CAMSAP1: variants seen among roughly 807,000 people sequenced by gnomAD.
The protein encoded by CAMSAP1 is calmodulin regulated spectrin associated protein 1.
CAMSAP1 carries 58 observed loss-of-function variants against 143.5 expected under a neutral mutation model. The observed-to-expected ratio is 0.40, with a 90% CI of 0.33 to 0.50. CAMSAP1 has a LOEUF of 0.50. Ranked by LOEUF, CAMSAP1 falls within the 20% of genes least tolerant of loss-of-function variation. The pLI is 0.45. For synonymous variants in CAMSAP1, 945 were observed against 859.3 expected (o/e 1.10, Z -1.74); for missense variants, 1,969 against 2,115.7 (o/e 0.93, Z 1.36).
chr9:135,833,150 C>T (rs1458903935), intron 7 of CAMSAP1, among the ~76,000 whole-genome samples: 2 of 148,480 alleles, frequency 1.3e-5, no homozygotes, highest in South Asian at 2.1e-4. Flanking sequence ...GGCGCGATCT[C>T]GGCTCACTGC....
At position 135,811,308 on chromosome 9, in the gene CAMSAP1, G is replaced by T. The variant is rs1175857293; in HGVS notation, c.*1C>A. 1 of 1,611,282 alleles carries T rather than the reference G, an allele frequency of 6.2e-7. No homozygotes were observed. The highest frequency in any genetic ancestry group is 8.5e-7 in the Non-Finnish European group (1 of 1,178,302). ...CCCTTTGGACGCCAGCTGCACCGGG[G>T]TCATTTACGAGTCTGGGCCTTCTTT... On this transcript the variant is annotated 3_prime_UTR_variant, in exon 17 of 17. Transcript: ENST00000389532. The surrounding 1 kb of genome is among the most constrained non-coding windows in gnomAD (Gnocchi z 4.9).
intron 1 of CAMSAP1, among the ~76,000 whole-genome samples, chr9:135,889,775 T>C (rs1488253336): frequency 6.6e-6 from 1 of 151,996 alleles, no homozygotes; most frequent in Non-Finnish European, 1.5e-5. Context: ...ATGGTTAGAG[T>C]GGAGCACAAA....
chr9:135,827,253 G>T (rs75278588), intron 8 of CAMSAP1, among the ~76,000 whole-genome samples, 154 bp downstream of exon 8: 1 of 152,214 alleles, frequency 6.6e-6, no homozygotes, highest in African/African-American at 2.4e-5. Flanking sequence ...AAAGGGGACC[G>T]AATGGCCAGA....
intron 3 of CAMSAP1, among the ~76,000 whole-genome samples, chr9:135,878,158 G>T (rs1334524521): frequency 6.6e-6 from 1 of 152,222 alleles, no homozygotes; most frequent in Non-Finnish European, 1.5e-5. Flanking sequence ...ACGGCAGGGA[G>T]GCTCCTGCAC....
rs955653 is a variant in CAMSAP1, at chr9:135,866,223, G to C, written c.666+233C>G. On this transcript the variant is annotated intron_variant, in intron 4 of 16. Coordinates refer to ENST00000389532, the MANE Select transcript of CAMSAP1 (RefSeq NM_015447.4). The stretch of plus-strand genomic sequence containing the variant: ...TCCCAATTCCCCCAAATACCCTCAC[G>C]CACCATAAAGTGCAATACAAAACAC... 0.35 allele frequency among the ~76,000 whole-genome samples: 52,930 copies of C among 152,058 alleles called. 10,830 individuals are homozygous for C. The highest frequency in any genetic ancestry group is 0.58 in the African/African-American group (23,895 of 41,470).
Position 135,827,470 on chromosome 9 carries a change from G to T in CAMSAP1, c.1160C>A (p.Pro387His). The change falls in exon 8 of 17, where the codon CCC (proline) becomes CAC (histidine). Residue 387 changes from proline (P) to histidine (H), a missense_variant. This residue lies in a region of CAMSAP1 where 1,390 missense variants were observed against 1,420.8 expected (regional missense o/e 0.98). Coordinates refer to ENST00000389532, the MANE Select transcript of CAMSAP1 (RefSeq NM_015447.4). ...AAGTLAELQP[P>H]VQLPAEGCHR... is the part of the protein sequence containing the mutation. ...ACAGCCTTCCGCCGGCAGCTGCACG[G>T]GGGGCTGCAGCTCAGCCAGGGTCCC... 1 of 1,609,442 alleles carries T rather than the reference G, an allele frequency of 6.2e-7. No individual in the cohort carries two copies. The highest frequency in any genetic ancestry group is 8.5e-7 in the Non-Finnish European group (1 of 1,176,306).
chr9:135,862,973 C>T (rs962538561), intron 4 of CAMSAP1, among the ~76,000 whole-genome samples: 11 of 152,270 alleles, frequency 7.2e-5, no homozygotes, highest in East Asian at 1.9e-4. Context: ...TAGACACTAA[C>T]GAGAAACAAG....
Position 135,819,004 on chromosome 9 carries a change from G to A in CAMSAP1, c.3959+6C>T, listed in dbSNP as rs1263709600. 1.2e-6 allele frequency: 2 copies of A among 1,604,568 alleles called. No individual in the cohort carries two copies. The highest frequency in any genetic ancestry group is 1.7e-6 in the Non-Finnish European group (2 of 1,178,796). On this transcript the variant is annotated splice_donor_region_variant and intron_variant, in intron 12 of 16. Coordinates refer to ENST00000389532, the MANE Select transcript of CAMSAP1 (RefSeq NM_015447.4). ...AGTCTGCTTTCCCCCCCGGCGGGAC[G>A]CTTACCGGGCTTCGTCACGCTTGAG... is the stretch of plus-strand genomic sequence containing the variant.
intron 1 of CAMSAP1, among the ~76,000 whole-genome samples, chr9:135,896,045 G>A (rs1464830263): frequency 6.6e-6 from 1 of 152,128 alleles, no homozygotes; most frequent in Admixed American, 6.5e-5. Flanking sequence ...GTTATAAATA[G>A]TAATTGTTAA....
intron 3 of CAMSAP1, among the ~76,000 whole-genome samples, chr9:135,871,596 T>C (rs961569874): frequency 3.3e-5 from 5 of 152,350 alleles, no homozygotes; most frequent in African/African-American, 1.2e-4. Flanking sequence ...TTCTGATTTT[T>C]AACTTCTAGT....
At chr9:135,839,343 G>A (rs896597876) in intron 7 of CAMSAP1, among the ~76,000 whole-genome samples, 2 of 152,102 alleles carry the variant, frequency 1.3e-5, no homozygotes, top group Admixed American at 1.3e-4. Flanking sequence ...CCAGTCTCTG[G>A]GACCAGCAAC....
chr9:135,816,125 G>C (rs549742967), intron 14 of CAMSAP1, 120 bp from the exon 15 acceptor site: 2 of 819,554 alleles, frequency 2.4e-6, no homozygotes, highest in Non-Finnish European at 3.9e-6. Flanking sequence ...GGAGGCTTTC[G>C]GTGACGGTGG....
intron 11 of CAMSAP1, 87 bp from the exon 12 acceptor site, chr9:135,819,233 T>C (rs1835352301): frequency 6.8e-7 from 1 of 1,461,012 alleles, no homozygotes; most frequent in Non-Finnish European, 9.1e-7. Context: ...CGACTTCCAC[T>C]ACGCTTTTAA....
intron 1 of CAMSAP1, among the ~76,000 whole-genome samples, chr9:135,887,623 G>T (rs1838166498): frequency 6.6e-6 from 1 of 152,172 alleles, no homozygotes; most frequent in African/African-American, 2.4e-5. Flanking sequence ...GTCTTTCACT[G>T]GGTCAGGGTA....
At chr9:135,889,160 C>T (rs960264436) in intron 1 of CAMSAP1, among the ~76,000 whole-genome samples, 2 of 152,198 alleles carry the variant, frequency 1.3e-5, no homozygotes, top group African/African-American at 2.4e-5. Context: ...CCAGCCAGAG[C>T]GGCAGGACGA....
rs1346276959 is a variant in CAMSAP1 at position 135,821,675 on chromosome 9, G to T, written c.2986C>A (p.Leu996Met). 2 of 1,614,032 alleles carry T rather than the reference G, an allele frequency of 1.2e-6. No homozygotes were observed. The highest frequency in any genetic ancestry group is 1.7e-6 in the Non-Finnish European group (2 of 1,179,904). The change falls in exon 11 of 17, where the codon CTG becomes ATG. Residue 996 changes from leucine (L) to methionine (M), a missense_variant. By Grantham distance (15) the Leu-to-Met change is conservative. Transcript: ENST00000389532. The surrounding 1 kb of genome is among the most constrained non-coding windows in gnomAD (Gnocchi z 4.6). The part of the protein sequence containing the change: ...KAKDPVALHE[L>M]ERNKVISAAL... ...GCGGAGATCACCTTATTTCTCTCCA[G>T]CTCGTGCAGAGCCACAGGGTCTTTT...
At chr9:135,817,913 A>T in intron 14 of CAMSAP1, 64 bp downstream of exon 14, 1 of 1,284,412 alleles carries the variant, frequency 7.8e-7, no homozygotes, top group Non-Finnish European at 1.1e-6. Flanking sequence ...TTAATCAGGA[A>T]GTCCCACCCT....
chr9:135,829,572 G>A (rs924721136), intron 7 of CAMSAP1, among the ~76,000 whole-genome samples: 4 of 152,056 alleles, frequency 2.6e-5, no homozygotes, highest in African/African-American at 9.7e-5. Flanking sequence ...ACAATAAATT[G>A]GCCAGGCACA....
Position 135,824,915 on chromosome 9 carries a change from CT to C in CAMSAP1, c.1224-36del, listed in dbSNP as rs1430359418. 6.7e-7 allele frequency: 1 copy of C among 1,502,692 alleles called. No homozygotes were observed. Among genetic ancestry groups the C allele is most frequent in the Admixed American group, 2.0e-5 (1 of 49,768 alleles). 93.1% of individuals were successfully genotyped at this position (1,502,692 alleles called of 1,614,324 possible). A position where few individuals can be genotyped will look rare whatever the true frequency, so the allele number is the denominator to read the frequency against. ...AAAAGAATTACAGGGAAAATCATTCCTTTATCAAACTTCAAGGTCAACAGCA... is the reference window on the plus strand; with the variant it reads ...AAAAGAATTACAGGGAAAATCATTCCTTATCAAACTTCAAGGTCAACAGCA... On this transcript the variant is annotated intron_variant, in intron 8 of 16. Transcript: ENST00000389532. This position sits in a 1 kb window ranked among gnomAD's most constrained non-coding sequence, Gnocchi z 4.1.
Sources: allele counts gnomAD v4.1 joint callset (sites outside exome capture counted in the v4.1 genomes callset), GRCh38; gene constraint gnomAD v4.1.1; regional missense constraint gnomAD v4.1.1; non-coding constraint Gnocchi (gnomAD v3.1); transcripts MANE v1.5; gene names NCBI Gene and HGNC (gene_info 2026-07-23, HGNC 2026-07-21).